The following GINS2 variants were observed in gnomAD, a reference collection of about 807,000 sequenced individuals.
GINS2 encodes GINS complex subunit 2.
Under a neutral mutation model 21.2 loss-of-function variants are expected in GINS2, and 23 were observed. The observed-to-expected ratio is 1.08, with a 90% CI of 0.78 to 1.53. The LOEUF (loss-of-function observed/expected upper bound fraction) is 1.53, where lower values mean the gene tolerates loss of function less well. Among genes scored for constraint, GINS2 ranks in the 40% most tolerant of loss-of-function variants. GINS2 has a pLI of 0.00. For synonymous variants in GINS2, 118 were observed against 85.6 expected, an observed-to-expected ratio of 1.38 and a Z score of -2.09; for missense variants, 323 against 233.9, an observed-to-expected ratio of 1.38 and a Z score of -2.49.
At position 85,676,505 on chromosome 16, in the gene GINS2, G is replaced by C. The variant is rs1181904785; in HGVS notation, c.*1707C>G. On this transcript the variant is annotated 3_prime_UTR_variant, in exon 5 of 5. Transcript: ENST00000253462. The stretch of plus-strand genomic sequence containing the variant: ...CCAGTCTTCCAGGTCTGACCCTTCA[G>C]TGTCCAAATAACCACCAAAACCTGC... The C allele has an allele frequency of 9.8e-5, 15 of 152,294 alleles. No individual in the cohort carries two copies. Among genetic ancestry groups the C allele is most frequent in the Admixed American group, 9.8e-4 (15 of 15,288 alleles). The allele number at this position is 152,294 out of a possible 1,614,324, so 9.4% of individuals were successfully genotyped here.
intron 3 of GINS2, among the ~76,000 whole-genome samples, chr16:85,680,146 C>T (rs1293759015): frequency 6.6e-6 from 1 of 152,186 alleles, no homozygotes; most frequent in Non-Finnish European, 1.5e-5. Context: ...CACATCTCTC[C>T]CGCACCACAC....
intron 2 of GINS2, among the ~76,000 whole-genome samples, chr16:85,682,302 A>G (rs576571644): frequency 9.2e-5 from 14 of 152,204 alleles, no homozygotes; most frequent in African/African-American, 2.9e-4. Flanking sequence ...GGAGTGAGTC[A>G]CCTGGTCAGT....
At chr16:85,683,396 G>C (rs994635131) in intron 2 of GINS2, among the ~76,000 whole-genome samples, 10 of 150,686 alleles carry the variant, frequency 6.6e-5, no homozygotes, top group Non-Finnish European at 1.3e-4. Context: ...ATCAGCCCCT[G>C]AGCTCTAACT....
rs56405044 is a variant in GINS2, at chr16:85,685,685, A to AAAAAAAAAAAAAAAAAAAAAAC, written c.205+1774_205+1775insGTTTTTTTTTTTTTTTTTTTTT. Among the ~76,000 whole-genome samples the AAAAAAAAAAAAAAAAAAAAAAC allele has an allele frequency of 4.8e-3, 579 of 120,828 alleles. 50 individuals carry two copies. Among genetic ancestry groups the AAAAAAAAAAAAAAAAAAAAAAC allele is most frequent in the Non-Finnish European group, 8.1e-3 (421 of 51,762 alleles). 79.3% of individuals were successfully genotyped at this position (120,828 alleles called of 152,430 possible). ...GACCCTTTCTCAAAAAAAAAAAAAA[A>AAAAAAAAAAAAAAAAAAAAAAC]AAAAAACCGTCTCAAAGCAGAGGAA... On this transcript the variant is annotated intron_variant, in intron 2 of 4. Coordinates refer to ENST00000253462, the MANE Select transcript of GINS2 (RefSeq NM_016095.3).
At chr16:85,679,543 C>T (rs1279212486) in intron 3 of GINS2, among the ~76,000 whole-genome samples, 2 of 152,112 alleles carry the variant, frequency 1.3e-5, no homozygotes, top group Non-Finnish European at 2.9e-5. Flanking sequence ...ATTTATAAAC[C>T]CAAACATTTA....
Position 85,678,594 on chromosome 16 carries a change from G to T in GINS2, c.378C>A (p.Ala126=). ...LVKDMWDTRI[A]KLRVSADSFV... ...AGCTGTCAGCAGACACTCGGAGTTT[G>T]GCTATACGAGTGTCCCACATATCCT... Residue 126 remains alanine (A), a synonymous_variant, in exon 4 of 5, where the codon GCC becomes GCA. Coordinates refer to ENST00000253462, the MANE Select transcript of GINS2 (RefSeq NM_016095.3). The T allele has an allele frequency of 6.2e-7, 1 of 1,613,706 alleles. No homozygotes were observed. Among genetic ancestry groups the T allele is most frequent in the South Asian group, 1.1e-5 (1 of 91,064 alleles).
At chr16:85,685,685 A>AAAAAAAAAAAAAAAAAAAAAAAATC (rs56405044) in intron 2 of GINS2, among the ~76,000 whole-genome samples, 1 of 120,900 alleles carries the variant, frequency 8.3e-6, no homozygotes, top group Non-Finnish European at 1.9e-5. Context: ...AAAAAAAAAA[A>AAAAAAAAAAAAAAAAAAAAAAAATC]AAAAAACCGT....
At chr16:85,680,014 T>A (rs1028777215) in intron 3 of GINS2, among the ~76,000 whole-genome samples, 3 of 152,172 alleles carry the variant, frequency 2.0e-5, no homozygotes, top group Admixed American at 1.3e-4. Flanking sequence ...GTCCACCTCC[T>A]ACAAGTCTGC....
rs56405044 is a variant in GINS2 at position 85,685,685 on chromosome 16, A to AAAAAAAAAAAAAAAAAAAAAAAAAAAC, written c.205+1774_205+1775insGTTTTTTTTTTTTTTTTTTTTTTTTTT. Reference sequence around the variant, plus strand: ...GACCCTTTCTCAAAAAAAAAAAAAAAAAAAAACCGTCTCAAAGCAGAGGAA... The same window carrying AAAAAAAAAAAAAAAAAAAAAAAAAAAC: ...GACCCTTTCTCAAAAAAAAAAAAAAAAAAAAAAAAAAAAAAAAAAAAAAAAACAAAAAACCGTCTCAAAGCAGAGGAA... On this transcript the variant is annotated intron_variant, in intron 2 of 4. Coordinates refer to ENST00000253462, the MANE Select transcript of GINS2 (RefSeq NM_016095.3). Among the ~76,000 whole-genome samples, 82 of 120,966 alleles carry AAAAAAAAAAAAAAAAAAAAAAAAAAAC rather than the reference A, an allele frequency of 6.8e-4. 6 individuals carry two copies. Among genetic ancestry groups the AAAAAAAAAAAAAAAAAAAAAAAAAAAC allele is most frequent in the Non-Finnish European group, 1.3e-3 (66 of 51,858 alleles). The allele number at this position is 120,966 out of a possible 152,430, so 79.4% of individuals were successfully genotyped here. A position where few individuals can be genotyped will look rare whatever the true frequency, so the allele number is the denominator to read the frequency against.
intron 2 of GINS2, among the ~76,000 whole-genome samples, chr16:85,682,757 T>G (rs2053744986): frequency 6.6e-6 from 1 of 152,096 alleles, no homozygotes; most frequent in Non-Finnish European, 1.5e-5. Context: ...GCCCTCCCCC[T>G]CTACAGAGAA....
At position 85,678,046 on chromosome 16, in the gene GINS2, G is replaced by T; in HGVS notation, c.*166C>A. The T allele has an allele frequency of 1.6e-6, 1 of 634,520 alleles. No individual in the cohort carries two copies. The highest frequency in any genetic ancestry group is 2.8e-6 in the Non-Finnish European group (1 of 362,694). 39.3% of individuals were successfully genotyped at this position (634,520 alleles called of 1,614,324 possible). A position where few individuals can be genotyped will look rare whatever the true frequency, so the allele number is the denominator to read the frequency against. Reference sequence around the variant, plus strand: ...AATGTCCCAGGGAGCTAAGTTTTAAGGACTAATCACAAACTTGTTTCTCCA... The same window carrying T: ...AATGTCCCAGGGAGCTAAGTTTTAATGACTAATCACAAACTTGTTTCTCCA... On this transcript the variant is annotated 3_prime_UTR_variant, in exon 5 of 5. Coordinates refer to ENST00000253462, the MANE Select transcript of GINS2 (RefSeq NM_016095.3).
chr16:85,678,657 G>C lies in GINS2; in HGVS notation c.315C>G (p.Asp105Glu). ...GGATTTCGTCTGCCTTCGGGATGTT[G>C]TCTGAAGCACTAAAGGAGCAAGGGC... ...LTKLLLNHAS[D>E]NIPKADEIRT... is the part of the protein sequence containing the mutation. Residue 105 changes from aspartate (D) to glutamate (E), a missense_variant, in exon 4 of 5, where the codon GAC (aspartate) becomes GAG (glutamate). Physicochemically the swap from Asp to Glu is conservative, Grantham distance 45. Coordinates refer to ENST00000253462, the MANE Select transcript of GINS2 (RefSeq NM_016095.3). The C allele has an allele frequency of 6.2e-7, 1 of 1,613,666 alleles. No individual in the cohort carries two copies. Among genetic ancestry groups the C allele is most frequent in the Non-Finnish European group, 8.5e-7 (1 of 1,179,894 alleles).
intron 1 of GINS2, among the ~76,000 whole-genome samples, 196 bp downstream of exon 1, chr16:85,688,613 G>A (rs1206977277): frequency 1.3e-5 from 2 of 152,212 alleles, no homozygotes; most frequent in Non-Finnish European, 2.9e-5. Flanking sequence ...CCGGGCGTTC[G>A]GGGCACTGGC....
At chr16:85,687,062 A>AAC (rs1191220204) in intron 2 of GINS2, among the ~76,000 whole-genome samples, 1 of 152,212 alleles carries the variant, frequency 6.6e-6, no homozygotes, top group Non-Finnish European at 1.5e-5. Context: ...TCTCTACAAA[A>AAC]ACGCAAAAAT....
rs145644032 is a variant in GINS2 at position 85,678,328 on chromosome 16, A to G, written c.442T>C (p.Leu148=). Residue 148 remains leucine (L), a synonymous_variant, in exon 5 of 5, where the codon TTG becomes CTG. Coordinates refer to ENST00000253462, the MANE Select transcript of GINS2 (RefSeq NM_016095.3). The part of the protein sequence containing the change: ...QQEAHAKLDN[L]TLMEINTSGT... ...CTGGTGTTGATCTCCATCAAGGTCA[A>G]GTTATCCAGCTAAAGCAAGAAAACA... 1.2e-4 allele frequency: 197 copies of G among 1,613,686 alleles called. No individual in the cohort carries two copies. In the African/African-American group the frequency reaches 2.3e-3, roughly 19 times the overall value.
intron 2 of GINS2, among the ~76,000 whole-genome samples, chr16:85,685,685 A>AAAAACAAAAAAAAAAAAAAAAAAC (rs1555579589): frequency 8.3e-6 from 1 of 120,900 alleles, no homozygotes; most frequent in Non-Finnish European, 1.9e-5. Flanking sequence ...AAAAAAAAAA[A>AAAAACAAAAAAAAAAAAAAAAAAC]AAAAAACCGT....
chr16:85,688,772 C>A (rs1288321579), intron 1 of GINS2, 37 bp downstream of exon 1: 3 of 1,360,682 alleles, frequency 2.2e-6, no homozygotes, highest in Non-Finnish European at 3.0e-6. Context: ...ACGCGCCCAG[C>A]CCGGCCTCCC....
chr16:85,681,551 G>T lies in GINS2; in HGVS notation c.305+31C>A, dbSNP rs147925909. 6 of 1,260,910 alleles carry T rather than the reference G, an allele frequency of 4.8e-6. 1 individual carries two copies. The South Asian group carries it at 4.8e-5, about 10-fold the overall frequency. The allele number at this position is 1,260,910 out of a possible 1,614,324, so 78.1% of individuals were successfully genotyped here. On this transcript the variant is annotated intron_variant, in intron 3 of 4. Coordinates refer to ENST00000253462, the MANE Select transcript of GINS2 (RefSeq NM_016095.3). ...AAGGGCATGGCGAGTCCAGTCTTGG[G>T]TGTGGCCTCTAAGAGGTGAGATCTA...
At chr16:85,679,041 A>G (rs1016962898) in intron 3 of GINS2, among the ~76,000 whole-genome samples, 1 of 152,146 alleles carries the variant, frequency 6.6e-6, no homozygotes, top group Non-Finnish European at 1.5e-5. Context: ...GTCGAGTTCT[A>G]TTGCTCCTCA....
Sources: allele counts gnomAD v4.1 joint callset (sites outside exome capture counted in the v4.1 genomes callset), GRCh38; gene constraint gnomAD v4.1.1; transcripts MANE v1.5; gene names NCBI Gene and HGNC (gene_info 2026-07-23, HGNC 2026-07-21).